The following CHSY3 variants were observed in gnomAD, a reference collection of about 807,000 sequenced individuals.
The protein encoded by CHSY3 is N-acetylgalactosaminyl-proteoglycan 3-beta-glucuronosyltransferase 3.
CHSY3 carries 35 observed loss-of-function variants against 67.2 expected under a neutral mutation model. The observed-to-expected ratio is 0.52, with a 90% CI of 0.40 to 0.69. The LOEUF (loss-of-function observed/expected upper bound fraction) is 0.69. Ranked by LOEUF, CHSY3 falls within the 30% of genes least tolerant of loss-of-function variation. The pLI is 0.00. For missense variants in CHSY3, 1,069 were observed against 1,138.5 expected (o/e 0.94, Z 0.88); for synonymous variants, 474 against 434.7 (o/e 1.09, Z -1.12).
intron 2 of CHSY3, among the ~76,000 whole-genome samples, chr5:130,094,098 G>C (rs1766969755): frequency 6.6e-6 from 1 of 152,164 alleles, no homozygotes; most frequent in Non-Finnish European, 1.5e-5. Flanking sequence ...GACAGTGGCA[G>C]CCCTTCTAGT....
At chr5:129,983,914 T>G (rs1272049673) in intron 2 of CHSY3, among the ~76,000 whole-genome samples, 1 of 152,104 alleles carries the variant, frequency 6.6e-6, no homozygotes, top group Non-Finnish European at 1.5e-5. Context: ...ATCATAGTAA[T>G]TCTCTGAACA....
rs1013998222 is a variant in CHSY3, at chr5:129,926,964, A to G, written c.1086+18604A>G. On this transcript the variant is annotated intron_variant, in intron 2 of 2. Transcript: ENST00000305031. ...TTTTATTTAAAGAGCATTTAACAGT[A>G]TACCACAAATTGGTTTTGTTGAAAC... is the stretch of plus-strand genomic sequence containing the variant. 2.0e-5 allele frequency among the ~76,000 whole-genome samples: 3 copies of G among 151,984 alleles called. No individual in the cohort carries two copies. The South Asian group carries it at 6.2e-4, about 31-fold the overall frequency.
intron 2 of CHSY3, among the ~76,000 whole-genome samples, chr5:130,013,341 A>G (rs1004258084): frequency 1.3e-5 from 2 of 152,132 alleles, no homozygotes; most frequent in Non-Finnish European, 2.9e-5. Context: ...CCACCAGGCA[A>G]TGCCCTAGTG....
At chr5:130,074,899 A>G (rs987917828) in intron 2 of CHSY3, among the ~76,000 whole-genome samples, 3 of 114,888 alleles carry the variant, frequency 2.6e-5, no homozygotes, top group African/African-American at 1.2e-4. Context: ...AGTAATAATT[A>G]AGCTTTTAAC....
At chr5:130,040,240 C>A (rs952484079) in intron 2 of CHSY3, among the ~76,000 whole-genome samples, 1 of 152,144 alleles carries the variant, frequency 6.6e-6, no homozygotes, top group South Asian at 2.1e-4. Flanking sequence ...AATCAGTGAC[C>A]ATTTTCCTGG....
At chr5:130,181,796 A>T (rs543732285) in intron 2 of CHSY3, among the ~76,000 whole-genome samples, 9 of 152,298 alleles carry the variant, frequency 5.9e-5, no homozygotes, top group African/African-American at 2.2e-4. Flanking sequence ...TACAAAATGT[A>T]TATGGCTTCT....
chr5:130,020,462 T>TATATATATATA (rs1491353527), intron 2 of CHSY3, among the ~76,000 whole-genome samples: 28 of 15,872 alleles, frequency 1.8e-3, no homozygotes, highest in African/African-American at 4.0e-3. Context: ...TATATATATA[T>TATATATATATA]TTTTTTTTTT....
intron 2 of CHSY3, among the ~76,000 whole-genome samples, chr5:130,090,113 A>G (rs1352972185): frequency 6.6e-6 from 1 of 152,114 alleles, no homozygotes; most frequent in African/African-American, 2.4e-5. Flanking sequence ...CTCTTAAAAA[A>G]TTCAAAGTTT....
chr5:129,962,767 A>T (rs899988121), intron 2 of CHSY3, among the ~76,000 whole-genome samples: 5 of 151,906 alleles, frequency 3.3e-5, no homozygotes, highest in African/African-American at 9.7e-5. Flanking sequence ...GTACATATTA[A>T]CTTGATGGCT....
chr5:130,080,131 ATATC>A (rs1766401538), intron 2 of CHSY3, among the ~76,000 whole-genome samples: 1 of 151,976 alleles, frequency 6.6e-6, no homozygotes, highest in Non-Finnish European at 1.5e-5. Context: ...CATAAAATGT[ATATC>A]TATCATGCTA....
chr5:130,181,325 G>A (rs989781059), intron 2 of CHSY3, among the ~76,000 whole-genome samples: 24 of 151,932 alleles, frequency 1.6e-4, no homozygotes, highest in East Asian at 3.9e-4. Context: ...GAACAATTTC[G>A]CTATGTTCAA....
intron 2 of CHSY3, among the ~76,000 whole-genome samples, chr5:130,012,776 C>T (rs1764105022): frequency 2.0e-5 from 3 of 152,032 alleles, no homozygotes; most frequent in South Asian, 4.2e-4. Context: ...CACAGCCAAA[C>T]CATATCATTT....
At position 130,010,570 on chromosome 5, in the gene CHSY3, A is replaced by G. The variant is rs1330170753; in HGVS notation, c.1086+102210A>G. Among the ~76,000 whole-genome samples, 10 of 152,338 alleles carry G rather than the reference A, an allele frequency of 6.6e-5. No individual in the cohort carries two copies. The East Asian group carries it at 1.7e-3, about 26-fold the overall frequency. On this transcript the variant is annotated intron_variant, in intron 2 of 2. Coordinates refer to ENST00000305031, the MANE Select transcript of CHSY3 (RefSeq NM_175856.5). ...ACAGCTAAGAGCTAACATCACACCT[A>G]AAGGAATTAAAGAAACAAGAGCAAA...
At chr5:130,052,074 C>G (rs1765377783) in intron 2 of CHSY3, 1 of 152,256 alleles carries the variant, frequency 6.6e-6, no homozygotes, top group Non-Finnish European at 1.5e-5. Flanking sequence ...TCTTTTCTTT[C>G]TCTCTGCAGA....
rs991728828 is a variant in CHSY3, at chr5:130,041,658, GACTATAAAAT to G, written c.1086+133309_1086+133318del. On this transcript the variant is annotated intron_variant, in intron 2 of 2. Coordinates refer to ENST00000305031, the MANE Select transcript of CHSY3 (RefSeq NM_175856.5). ...AGAGAAATAAGCAAAGAGAGAGAGT[GACTATAAAAT>G]ACTATAAAATGTTCAGGTCATTAAA... Among the ~76,000 whole-genome samples, 11 of 152,062 alleles carry G rather than the reference GACTATAAAAT, an allele frequency of 7.2e-5. No individual in the cohort carries two copies. In the South Asian group the frequency reaches 1.7e-3, roughly 23 times the overall value.
chr5:130,142,824 G>T (rs763130684), intron 2 of CHSY3, among the ~76,000 whole-genome samples: 1 of 152,162 alleles, frequency 6.6e-6, no homozygotes, highest in Non-Finnish European at 1.5e-5. Context: ...AAGGGCCAAG[G>T]CTCAGAAAAT....
chr5:129,940,550 A>T (rs1363228929), intron 2 of CHSY3, among the ~76,000 whole-genome samples: 1 of 152,138 alleles, frequency 6.6e-6, no homozygotes, highest in Non-Finnish European at 1.5e-5. Context: ...AATATGTAAA[A>T]ATATGCTTTT....
chr5:130,016,413 T>C (rs1021415059), intron 2 of CHSY3, among the ~76,000 whole-genome samples: 1 of 152,142 alleles, frequency 6.6e-6, no homozygotes, highest in Non-Finnish European at 1.5e-5. Context: ...TTTATTTTAT[T>C]TTATTATTAT....
At chr5:130,178,251 A>ATTTTTTTTTTT (rs1298647034) in intron 2 of CHSY3, among the ~76,000 whole-genome samples, 4 of 62,734 alleles carry the variant, frequency 6.4e-5, no homozygotes, top group East Asian at 1.1e-3. Context: ...ATATATATAT[A>ATTTTTTTTTTT]TATTTTTTTT....
Sources: allele counts gnomAD v4.1 joint callset (sites outside exome capture counted in the v4.1 genomes callset), GRCh38; gene constraint gnomAD v4.1.1; transcripts MANE v1.5; gene names NCBI Gene and HGNC (gene_info 2026-07-23, HGNC 2026-07-21).